The following ZBTB10 variants were observed in gnomAD, a reference collection of about 807,000 sequenced individuals.
ZBTB10 encodes the protein zinc finger and BTB domain containing 10, also known as zinc finger and BTB domain-containing protein 10.
Under a neutral mutation model 76.4 loss-of-function variants are expected in ZBTB10, and 32 were observed. That is an observed-to-expected ratio of 0.42 (90% CI 0.32 to 0.56). The LOEUF (loss-of-function observed/expected upper bound fraction) is 0.56. Ranked by LOEUF, ZBTB10 falls within the 20% of genes least tolerant of loss-of-function variation. ZBTB10 has a pLI of 0.14. For missense variants in ZBTB10, 1,057 were observed against 1,098.5 expected (o/e 0.96, Z 0.53); for synonymous variants, 523 against 432.9 (o/e 1.21, Z -2.58).
rs1315141186 is a variant in ZBTB10, at chr8:80,486,815, C to T, written c.5C>T (p.Ser2Leu). The change falls in exon 1 of 6, where the codon TCG (serine) becomes TTG (leucine). Residue 2 changes from serine to leucine, a missense_variant. Physicochemically the swap from Ser to Leu is moderately radical, Grantham distance 145. Around this residue, in one of 5 missense-constraint regions of ZBTB10, gnomAD observed 556 missense variants for 451.7 expected, o/e 1.23. Coordinates refer to ENST00000455036, the MANE Select transcript of ZBTB10 (RefSeq NM_001105539.3). ...GCGGCGGCGGCGGCGCGCGCCATGT[C>T]GTTCAGTGAAATGAACCGCAGGACG... MSFSEMNRRTLA... is the reference protein window; with the variant it reads MLFSEMNRRTLA... 8 of 1,350,026 alleles carry T rather than the reference C, an allele frequency of 5.9e-6. No homozygotes were observed. Among genetic ancestry groups the T allele is most frequent in the Middle Eastern group, 2.6e-4 (1 of 3,812 alleles). 83.6% of individuals were successfully genotyped at this position (1,350,026 alleles called of 1,614,324 possible). A position where few individuals can be genotyped will look rare whatever the true frequency, so the allele number is the denominator to read the frequency against.
At chr8:80,497,198 G>A (rs928490107) in intron 1 of ZBTB10, among the ~76,000 whole-genome samples, 5 of 151,702 alleles carry the variant, frequency 3.3e-5, no homozygotes, top group Non-Finnish European at 5.9e-5. Flanking sequence ...TACATGATAC[G>A]AAATTTCACA....
intron 2 of ZBTB10, among the ~76,000 whole-genome samples, chr8:80,507,585 G>A (rs948862977): frequency 2.6e-5 from 4 of 151,840 alleles, no homozygotes; most frequent in Non-Finnish European, 5.9e-5. Flanking sequence ...CTGCACTCCA[G>A]CCTGGGGCAC....
chr8:80,493,703 G>A (rs1257049882), intron 1 of ZBTB10, among the ~76,000 whole-genome samples: 1 of 151,774 alleles, frequency 6.6e-6, no homozygotes, highest in East Asian at 1.9e-4. Context: ...GGTGGCGCAT[G>A]CCTGTAATCC....
At chr8:80,510,863 T>C (rs1816174924) in intron 2 of ZBTB10, among the ~76,000 whole-genome samples, 1 of 152,204 alleles carries the variant, frequency 6.6e-6, no homozygotes, top group Admixed American at 6.5e-5. Flanking sequence ...GTTTATTTTG[T>C]AATCTTGTAA....
At chr8:80,508,711 G>C (rs905947301) in intron 2 of ZBTB10, among the ~76,000 whole-genome samples, 1 of 152,204 alleles carries the variant, frequency 6.6e-6, no homozygotes, top group Non-Finnish European at 1.5e-5. Context: ...TGACTTGCAA[G>C]ATGGGAAGAA....
At chr8:80,485,955 C>G (rs1295239179), upstream of ZBTB10, 1 of 1,450,128 alleles carries the variant, frequency 6.9e-7, no homozygotes, top group East Asian at 2.5e-5. Context: ...GTAGCCCGGC[C>G]CCGGCCGCAC....
At position 80,523,479 on chromosome 8, in the gene ZBTB10, G is replaced by A. The variant is rs1200746553; in HGVS notation, c.*3951G>A. 2 of 151,898 alleles carry A rather than the reference G, an allele frequency of 1.3e-5. No homozygotes were observed. The highest frequency in any genetic ancestry group is 2.9e-5 in the Non-Finnish European group (2 of 67,868). 9.4% of individuals were successfully genotyped at this position (151,898 alleles called of 1,614,324 possible). A position where few individuals can be genotyped will look rare whatever the true frequency, so the allele number is the denominator to read the frequency against. On this transcript the variant is annotated 3_prime_UTR_variant, in exon 6 of 6. Transcript: ENST00000455036. ...GGCATTTTAATTTTATAAAAGAATGGTTTTTATCTGAAGAACTAGATAGAA... is the reference window on the plus strand; with the variant it reads ...GGCATTTTAATTTTATAAAAGAATGATTTTTATCTGAAGAACTAGATAGAA...
rs748327000 is a variant in ZBTB10 at position 80,499,868 on chromosome 8, T to G, written c.1347T>G (p.Ser449Arg). The change falls in exon 2 of 6, where the codon AGT becomes AGG. Residue 449 changes from serine to arginine, a missense_variant. Physicochemically the swap from Ser to Arg is moderately radical, Grantham distance 110 (BLOSUM62 -1). Transcript: ENST00000455036. ...VMTVASYLQM[S>R]EVVQTCRNFI... Reference sequence around the variant, plus strand: ...CCGTGGCCAGCTATCTTCAAATGAGTGAAGTTGTTCAAACTTGCCGAAATT... The same window carrying G: ...CCGTGGCCAGCTATCTTCAAATGAGGGAAGTTGTTCAAACTTGCCGAAATT... 20 of 1,613,774 alleles carry G rather than the reference T, an allele frequency of 1.2e-5. No individual in the cohort carries two copies. Among genetic ancestry groups the G allele is most frequent in the Non-Finnish European group, 1.3e-5 (15 of 1,179,864 alleles).
At chr8:80,515,006 A>G (rs1816290435) in intron 3 of ZBTB10, among the ~76,000 whole-genome samples, 1 of 152,230 alleles carries the variant, frequency 6.6e-6, no homozygotes. Context: ...GAAGTAAACT[A>G]AAGTGCAGCA....
At position 80,499,712 on chromosome 8, in the gene ZBTB10, C is replaced by G. The variant is rs913382615; in HGVS notation, c.1191C>G (p.Asn397Lys). ...RFFKTLYCFS[N>K]KESPNQNNTT... is the part of the protein sequence containing the mutation. ...TTAAGACTTTATATTGCTTTTCAAA[C>G]AAAGAAAGCCCTAACCAAAACAATA... The change falls in exon 2 of 6, where the codon AAC becomes AAG. Residue 397 changes from asparagine (N) to lysine (K), a missense_variant. Asn to Lys is a moderately conservative substitution (Grantham distance 94). Transcript: ENST00000455036. 2 of 1,613,866 alleles carry G rather than the reference C, an allele frequency of 1.2e-6. No homozygotes were observed. Among genetic ancestry groups the G allele is most frequent in the African/African-American group, 2.7e-5 (2 of 75,010 alleles).
chr8:80,500,255 C>A lies in ZBTB10; in HGVS notation c.1734C>A (p.Asn578Lys). 1 of 1,584,002 alleles carries A rather than the reference C, an allele frequency of 6.3e-7. No individual in the cohort carries two copies. Among genetic ancestry groups the A allele is most frequent in the Non-Finnish European group, 8.6e-7 (1 of 1,164,344 alleles). Residue 578 changes from asparagine to lysine, a missense_variant, in exon 2 of 6, where the codon AAC (asparagine) becomes AAA (lysine). Around this residue, in one of 5 missense-constraint regions of ZBTB10, gnomAD observed 306 missense variants for 297.5 expected, o/e 1.03. Transcript: ENST00000455036. Reference protein sequence around the residue: ...IQETGKTRRKNQTTKRFIYNI... With the variant: ...IQETGKTRRKKQTTKRFIYNI... Reference sequence around the variant, plus strand: ...AGACTGGCAAAACAAGGAGGAAAAACCAAACTACAAAAAGATTTATTTATA... The same window carrying A: ...AGACTGGCAAAACAAGGAGGAAAAAACAAACTACAAAAAGATTTATTTATA...
At position 80,513,885 on chromosome 8, in the gene ZBTB10, A is replaced by C. The variant is rs1392776900; in HGVS notation, c.1862-25A>C. 3 of 1,603,808 alleles carry C rather than the reference A, an allele frequency of 1.9e-6. No homozygotes were observed. The Admixed American group carries it at 5.0e-5, about 27-fold the overall frequency. Reference sequence around the variant, plus strand: ...GGTGGCTATGGTGTGGTTTGTAGATAAATTTTTCTATGTTTCCTTTTCAGA... The same window carrying C: ...GGTGGCTATGGTGTGGTTTGTAGATCAATTTTTCTATGTTTCCTTTTCAGA... On this transcript the variant is annotated intron_variant, in intron 2 of 5. Transcript: ENST00000455036.
chr8:80,493,678 A>C (rs2131478637), intron 1 of ZBTB10, among the ~76,000 whole-genome samples: 1 of 149,638 alleles, frequency 6.7e-6, no homozygotes, highest in South Asian at 2.1e-4. Flanking sequence ...AAAAAAAAAA[A>C]ACCGAGCCGG....
At chr8:80,502,757 C>G (rs1815957723) in intron 2 of ZBTB10, among the ~76,000 whole-genome samples, 1 of 151,394 alleles carries the variant, frequency 6.6e-6, no homozygotes, top group African/African-American at 2.4e-5. Context: ...AAAAGACTTT[C>G]ACCTTTGTTG....
chr8:80,497,749 A>G (rs1208990944), intron 1 of ZBTB10, among the ~76,000 whole-genome samples: 1 of 132,708 alleles, frequency 7.5e-6, no homozygotes, highest in African/African-American at 2.9e-5. Flanking sequence ...GTGCAGTGGC[A>G]TGATCTTGGC....
Position 80,519,208 on chromosome 8 carries a change from T to C in ZBTB10, c.2311-15T>C, listed in dbSNP as rs1290363859. ...TATAATATCCTTATATTGGATTTTTTCCCCCTCCAATTAGGTGCATAAAAA... is the reference window on the plus strand; with the variant it reads ...TATAATATCCTTATATTGGATTTTTCCCCCCTCCAATTAGGTGCATAAAAA... On this transcript the variant is annotated splice_polypyrimidine_tract_variant and intron_variant, in intron 5 of 5. Coordinates refer to ENST00000455036, the MANE Select transcript of ZBTB10 (RefSeq NM_001105539.3). 8.7e-6 allele frequency: 14 copies of C among 1,607,254 alleles called. No homozygotes were observed. The highest frequency in any genetic ancestry group is 1.2e-5 in the Non-Finnish European group (14 of 1,176,338).
At position 80,519,168 on chromosome 8, in the gene ZBTB10, A is replaced by G. The variant is rs1047475216; in HGVS notation, c.2311-55A>G. 5 of 1,534,106 alleles carry G rather than the reference A, an allele frequency of 3.3e-6. No homozygotes were observed. In the Admixed American group the frequency reaches 7.7e-5, roughly 24 times the overall value. On this transcript the variant is annotated intron_variant, in intron 5 of 5. Coordinates refer to ENST00000455036, the MANE Select transcript of ZBTB10 (RefSeq NM_001105539.3). Reference sequence around the variant, plus strand: ...GTGTGGTTTAATTTGAGTGGTTCAAATGCATTCTATTATATATAATATCCT... The same window carrying G: ...GTGTGGTTTAATTTGAGTGGTTCAAGTGCATTCTATTATATATAATATCCT...
rs1277746902 is a variant in ZBTB10 at position 80,487,148 on chromosome 8, C to T, written c.338C>T (p.Pro113Leu). ...TCGCTTGGCGGTGGCGCGGGGGGCC[C>T]CCTGCTAGCGGAAAGGAACCGTCGG... ...PTSLGGGAGG[P>L]LLAERNRRTL... The change falls in exon 1 of 6, where the codon CCC becomes CTC. Residue 113 changes from proline to leucine, a missense_variant. Pro to Leu is a moderately conservative substitution (Grantham distance 98). Transcript: ENST00000455036. 9.2e-6 allele frequency: 14 copies of T among 1,514,424 alleles called. No homozygotes were observed. Among genetic ancestry groups the T allele is most frequent in the Middle Eastern group, 1.7e-4 (1 of 5,896 alleles). 93.8% of individuals were successfully genotyped at this position (1,514,424 alleles called of 1,614,324 possible).
rs1465725056 is a variant in ZBTB10, at chr8:80,487,314, G to A, written c.504G>A (p.Leu168=). ...PATVDLELDA[L]EGKELMQDGA... ...CTGTGGATCTGGAGCTGGACGCGCTGGAGGGGAAGGAGTTGATGCAGGACG... is the reference window on the plus strand; with the variant it reads ...CTGTGGATCTGGAGCTGGACGCGCTAGAGGGGAAGGAGTTGATGCAGGACG... Residue 168 remains leucine (L), a synonymous_variant, in exon 1 of 6, where the codon CTG becomes CTA. Coordinates refer to ENST00000455036, the MANE Select transcript of ZBTB10 (RefSeq NM_001105539.3). 6.5e-7 allele frequency: 1 copy of A among 1,542,950 alleles called. No individual in the cohort carries two copies.
Sources: gnomAD v4.1 joint callset for allele counts (sites outside exome capture counted in the v4.1 genomes callset) on GRCh38, gnomAD v4.1.1 for gene constraint, gnomAD v4.1.1 regional missense constraint, MANE v1.5 for transcripts, NCBI Gene and HGNC (gene_info 2026-07-23, HGNC 2026-07-21) for gene names.